SOS1: variants seen among roughly 807,000 people sequenced by gnomAD.
SOS1 encodes SOS Ras/Rac guanine nucleotide exchange factor 1, also known as son of sevenless homolog 1.
SOS1 carries 25 observed loss-of-function variants against 157.6 expected under a neutral mutation model. The ratio of observed to expected loss-of-function variants is 0.16; its 90% CI spans 0.12 to 0.22. The LOEUF (loss-of-function observed/expected upper bound fraction) is 0.22, where lower values mean the gene tolerates loss of function less well. Ranked by LOEUF, SOS1 falls within the 10% of genes least tolerant of loss-of-function variation. The pLI, the probability that SOS1 is intolerant of heterozygous loss-of-function variation, is 1.00. For missense variants in SOS1, 1,237 were observed against 1,599.1 expected, an observed-to-expected ratio of 0.77 and a Z score of 3.86; for synonymous variants, 528 against 534.0, an observed-to-expected ratio of 0.99 and a Z score of 0.16.
chr2:39,034,621 C>T lies in SOS1; in HGVS notation c.1074+591G>A, dbSNP rs1670280752. 1.3e-5 allele frequency among the ~76,000 whole-genome samples: 2 copies of T among 151,968 alleles called. 1 individual carries two copies. Among genetic ancestry groups the T allele is most frequent in the Admixed American group, 1.3e-4 (2 of 15,246 alleles). The stretch of plus-strand genomic sequence containing the variant: ...ACAGGAAAAGAAAAAAGAGACAACC[C>T]CTTTCCTTTCAGTCAGTGCTTAGTA... On this transcript the variant is annotated intron_variant, in intron 8 of 22. Coordinates refer to ENST00000402219, the MANE Select transcript of SOS1 (RefSeq NM_005633.4).
intron 6 of SOS1, among the ~76,000 whole-genome samples, chr2:39,044,696 C>T (rs1426735856): frequency 6.6e-6 from 1 of 152,050 alleles, no homozygotes; most frequent in Non-Finnish European, 1.5e-5. Flanking sequence ...CCCTTGCGTA[C>T]TCAGGGCTGG....
At chr2:39,028,422 A>G (rs906806265) in intron 8 of SOS1, among the ~76,000 whole-genome samples, 1 of 152,230 alleles carries the variant, frequency 6.6e-6, no homozygotes, top group Non-Finnish European at 1.5e-5. Flanking sequence ...TGCATTTTAT[A>G]TGCTCAATTC....
At chr2:38,995,486 A>T in intron 19 of SOS1, 99 bp from the exon 20 acceptor site, 1 of 868,870 alleles carries the variant, frequency 1.2e-6, no homozygotes. Context: ...TATACAGGAA[A>T]ATCATAAATC....
chr2:39,069,698 C>T (rs1671732990), intron 1 of SOS1, among the ~76,000 whole-genome samples: 1 of 152,100 alleles, frequency 6.6e-6, no homozygotes, highest in South Asian at 2.1e-4. Context: ...CAGGCACCTG[C>T]CACCACACCC....
At chr2:38,986,950 G>A (rs1286153070) in intron 22 of SOS1, among the ~76,000 whole-genome samples, 2 of 152,098 alleles carry the variant, frequency 1.3e-5, no homozygotes, top group Admixed American at 1.3e-4. Context: ...AATGAATTAA[G>A]TTTAACAGCT....
chr2:39,048,214 CTTGA>C (rs1670863447), intron 6 of SOS1, among the ~76,000 whole-genome samples: 3 of 152,186 alleles, frequency 2.0e-5, no homozygotes, highest in East Asian at 1.9e-4. Flanking sequence ...CTTCTACAAA[CTTGA>C]TTATTTTAAA....
intron 17 of SOS1, among the ~76,000 whole-genome samples, chr2:38,999,070 T>A (rs1327256287): frequency 6.6e-6 from 1 of 152,174 alleles, no homozygotes; most frequent in Non-Finnish European, 1.5e-5. Context: ...CCAAACTCTG[T>A]CTTGAGCTGG....
intron 1 of SOS1, among the ~76,000 whole-genome samples, chr2:39,076,504 A>C (rs1158171626): frequency 2.0e-5 from 3 of 152,244 alleles, no homozygotes; most frequent in Non-Finnish European, 1.5e-5. Context: ...TGGTTCAACA[A>C]AAGTAAATCT....
At chr2:39,046,265 CAT>C (rs1216065284) in intron 6 of SOS1, among the ~76,000 whole-genome samples, 4 of 151,914 alleles carry the variant, frequency 2.6e-5, no homozygotes, top group Admixed American at 1.3e-4. Flanking sequence ...GATTTTCGTA[CAT>C]GTTTTTAAAA....
chr2:39,047,523 A>T (rs1670833869), intron 6 of SOS1, among the ~76,000 whole-genome samples: 1 of 152,144 alleles, frequency 6.6e-6, no homozygotes, highest in Admixed American at 6.5e-5. Context: ...TTCAAAATAC[A>T]TTTCCTTGAT....
At chr2:39,091,155 C>T (rs1438298350) in intron 1 of SOS1, among the ~76,000 whole-genome samples, 1 of 152,188 alleles carries the variant, frequency 6.6e-6, no homozygotes, top group East Asian at 1.9e-4. Context: ...AGGTATGAGC[C>T]ACTAGGCCTG....
At chr2:39,068,066 C>T (rs1671652198) in intron 1 of SOS1, among the ~76,000 whole-genome samples, 1 of 152,160 alleles carries the variant, frequency 6.6e-6, no homozygotes, top group African/African-American at 2.4e-5. Context: ...CTGCAGTGAG[C>T]CAAGATCTTG....
At chr2:38,994,891 C>A in intron 20 of SOS1, among the ~76,000 whole-genome samples, 1 of 152,132 alleles carries the variant, frequency 6.6e-6, no homozygotes, top group East Asian at 1.9e-4. Flanking sequence ...TACCACTAGG[C>A]CTTTCATTAA....
chr2:39,028,015 G>A (rs1295747784), intron 8 of SOS1, among the ~76,000 whole-genome samples: 1 of 152,114 alleles, frequency 6.6e-6, no homozygotes, highest in Non-Finnish European at 1.5e-5. Flanking sequence ...ATTTTTAGTA[G>A]AGACAGGGTT....
chr2:39,000,155 A>G (rs1305439982), intron 17 of SOS1, among the ~76,000 whole-genome samples: 1 of 152,190 alleles, frequency 6.6e-6, no homozygotes, highest in Non-Finnish European at 1.5e-5. Context: ...CACTTGAATG[A>G]AGTTGTGAAA....
In SOS1 at chr2:38,987,414, G is replaced by A. The variant is rs373347020; in HGVS notation, c.3510+59C>T. On this transcript the variant is annotated intron_variant, in intron 22 of 22. Coordinates refer to ENST00000402219, the MANE Select transcript of SOS1 (RefSeq NM_005633.4). Reference sequence around the variant, plus strand: ...CTAGTGAGAACTAAACTAGACAGCCGTTTATTATAATGAACTGTAATGATT... The same window carrying A: ...CTAGTGAGAACTAAACTAGACAGCCATTTATTATAATGAACTGTAATGATT... 151 of 871,562 alleles carry A rather than the reference G, an allele frequency of 1.7e-4. No homozygotes were observed. In the East Asian group the frequency reaches 2.3e-3, roughly 13 times the overall value. 54.0% of individuals were successfully genotyped at this position (871,562 alleles called of 1,614,324 possible).
chr2:39,018,703 TA>T (rs1413888779), intron 10 of SOS1, among the ~76,000 whole-genome samples: 1 of 151,740 alleles, frequency 6.6e-6, no homozygotes, highest in Non-Finnish European at 1.5e-5. Flanking sequence ...ATTTATTACA[TA>T]AAAAAGTTAT....
At chr2:39,108,196 A>G (rs2148219153) in intron 1 of SOS1, among the ~76,000 whole-genome samples, 1 of 152,262 alleles carries the variant, frequency 6.6e-6, no homozygotes, top group South Asian at 2.1e-4. Flanking sequence ...CCATCCCCAC[A>G]GCTACTGCTC....
rs145203547 is a variant in SOS1, at chr2:39,083,170, G to A, written c.88-15417C>T. On this transcript the variant is annotated intron_variant, in intron 1 of 22. Transcript: ENST00000402219. ...CCTTGGCCCCTCTACTGATTTAGTT[G>A]GGTATGACAAAAATGACCCAATTCG... Among the ~76,000 whole-genome samples, 206 of 152,142 alleles carry A rather than the reference G, an allele frequency of 1.4e-3. 1 individual carries two copies. Among genetic ancestry groups the A allele is most frequent in the African/African-American group, 4.5e-3 (188 of 41,514 alleles).
Sources: gnomAD v4.1 joint callset for allele counts (sites outside exome capture counted in the v4.1 genomes callset) on GRCh38, gnomAD v4.1.1 for gene constraint, MANE v1.5 for transcripts, NCBI Gene and HGNC (gene_info 2026-07-23, HGNC 2026-07-21) for gene names.